Variants in ARHGAP6 observed in about 807,000 individuals in gnomAD.
The protein encoded by ARHGAP6 is Rho GTPase activating protein 6, also known as rho GTPase-activating protein 6.
In ARHGAP6, 16 loss-of-function variants were observed where a neutral mutation model predicts 55.7. The observed-to-expected ratio is 0.29, with a 90% CI of 0.19 to 0.44. ARHGAP6 has a LOEUF of 0.44. ARHGAP6 is among the 20% of genes least tolerant of loss of function. The pLI is 1.00. For missense variants in ARHGAP6, 698 were observed against 808.9 expected, an observed-to-expected ratio of 0.86 and a Z score of 1.66; for synonymous variants, 382 against 360.9, an observed-to-expected ratio of 1.06 and a Z score of -0.66.
chrX:11,202,609 A>T (rs1307415236), intron 2 of ARHGAP6, among the ~76,000 whole-genome samples: 1 of 109,417 alleles, frequency 9.1e-6, no homozygotes, highest in African/African-American at 3.3e-5. Flanking sequence ...GGAGTTCGAG[A>T]CTAGCCTGGC....
chrX:11,158,195 C>A (rs935366479), intron 9 of ARHGAP6, among the ~76,000 whole-genome samples: 2 of 111,954 alleles, frequency 1.8e-5, no homozygotes, highest in Admixed American at 9.5e-5. Context: ...GTCTATTGAG[C>A]ATTCCATTCC....
intron 1 of ARHGAP6, among the ~76,000 whole-genome samples, chrX:11,525,231 AC>A (rs2050977025): frequency 8.9e-6 from 1 of 111,885 alleles, no homozygotes; most frequent in Admixed American, 9.5e-5. Context: ...GTTGTTGGCA[AC>A]CAAAAATGTC....
chrX:11,156,734 G>T, intron 9 of ARHGAP6, 108 bp from the exon 10 acceptor site: 1 of 581,238 alleles, frequency 1.7e-6, no homozygotes, highest in Non-Finnish European at 2.7e-6. Context: ...AAAGCTGCAA[G>T]ACAGCAGAAT....
Position 11,664,656 on chromosome X carries a change from C to T in ARHGAP6, c.173G>A (p.Arg58Gln), listed in dbSNP as rs1385139293. ...GTAGAGGCGGCCCGCCGTGGCTCCCCGCGCACTGCCCTCCGCGCCCGCCTC... is the reference window on the plus strand; with the variant it reads ...GTAGAGGCGGCCCGCCGTGGCTCCCTGCGCACTGCCCTCCGCGCCCGCCTC... ...SDEAGAEGSARGATAGRLYSP... is the reference protein window; with the variant it reads ...SDEAGAEGSAQGATAGRLYSP... Residue 58 changes from arginine to glutamine, a missense_variant, in exon 1 of 13, where the codon CGG becomes CAG. This residue lies in a region of ARHGAP6 where 164 missense variants were observed against 149.2 expected (regional missense o/e 1.10). Coordinates refer to ENST00000337414, the MANE Select transcript of ARHGAP6 (RefSeq NM_013427.3). The T allele has an allele frequency of 3.4e-6, 4 of 1,161,789 alleles. No homozygotes were observed. Among genetic ancestry groups the T allele is most frequent in the Non-Finnish European group, 1.1e-6 (1 of 870,984 alleles).
intron 1 of ARHGAP6, among the ~76,000 whole-genome samples, chrX:11,478,351 A>C (rs2050423933): frequency 8.9e-6 from 1 of 112,446 alleles, no homozygotes; most frequent in South Asian, 3.6e-4. Flanking sequence ...ATGGAAAACT[A>C]CCTGGCAATA....
At chrX:11,231,743 G>C (rs150115428) in intron 2 of ARHGAP6, among the ~76,000 whole-genome samples, 1 of 112,181 alleles carries the variant, frequency 8.9e-6, no homozygotes, top group African/African-American at 3.2e-5. Context: ...ATGTCAAATT[G>C]AGCCAGGCCG....
Position 11,635,277 on chromosome X carries a change from A to G in ARHGAP6, c.588+28964T>C, listed in dbSNP as rs770138144. ...GGCAAGGATCACTGTATAGTATATA[A>G]ATAACACAAAAGACTACTTCAAGGA... On this transcript the variant is annotated intron_variant, in intron 1 of 12. Transcript: ENST00000337414. Among the ~76,000 whole-genome samples the G allele has an allele frequency of 1.4e-3, 158 of 112,090 alleles. 1 individual carries two copies. The highest frequency in any genetic ancestry group is 4.6e-3 in the Middle Eastern group (1 of 216).
chrX:11,223,753 G>A (rs111695480), intron 2 of ARHGAP6, among the ~76,000 whole-genome samples: 2,386 of 111,792 alleles, frequency 0.021, 25 homozygotes, highest in Middle Eastern at 0.06. Context: ...AATCTTACGG[G>A]ATGAATGGCT....
chrX:11,537,802 A>G (rs963415195), intron 1 of ARHGAP6, among the ~76,000 whole-genome samples: 3 of 112,244 alleles, frequency 2.7e-5, no homozygotes, highest in Non-Finnish European at 5.6e-5. Context: ...AACACATTCT[A>G]TTAGCTATCA....
chrX:11,539,333 T>C (rs1601626591), intron 1 of ARHGAP6, among the ~76,000 whole-genome samples: 2 of 112,432 alleles, frequency 1.8e-5, no homozygotes, highest in Middle Eastern at 9.1e-3. Flanking sequence ...GTCTGAGAAA[T>C]GAGCCATTGA....
intron 1 of ARHGAP6, chrX:11,300,674 C>T (rs1382810640): frequency 1.8e-6 from 2 of 1,089,200 alleles, no homozygotes; most frequent in East Asian, 6.1e-5. Context: ...CACAAGAACA[C>T]AATGATTTTT....
intron 1 of ARHGAP6, among the ~76,000 whole-genome samples, chrX:11,441,511 G>A (rs896609554): frequency 9.0e-6 from 1 of 111,345 alleles, no homozygotes. Context: ...ACAGGAGCCT[G>A]GCAAGGACAC....
At chrX:11,434,901 T>C (rs1382446746) in intron 1 of ARHGAP6, among the ~76,000 whole-genome samples, 4 of 111,955 alleles carry the variant, frequency 3.6e-5, no homozygotes. Context: ...ACCAACAGTT[T>C]AGCAGGGCCT....
chrX:11,472,465 T>C (rs2147828505), intron 1 of ARHGAP6, among the ~76,000 whole-genome samples: 1 of 111,483 alleles, frequency 9.0e-6, no homozygotes, highest in East Asian at 2.8e-4. Context: ...GGCATTGACA[T>C]ATGAGGGCAG....
chrX:11,441,191 G>A lies in ARHGAP6; in HGVS notation c.589-186484C>T, dbSNP rs61382351. Reference sequence around the variant, plus strand: ...TTCAGTATGACCAAGAGGTAAATGCGACTCCCAGAGCAGGGGTGCTTCCCA... The same window carrying A: ...TTCAGTATGACCAAGAGGTAAATGCAACTCCCAGAGCAGGGGTGCTTCCCA... On this transcript the variant is annotated intron_variant, in intron 1 of 12. Transcript: ENST00000337414. Among the ~76,000 whole-genome samples, 698 of 111,466 alleles carry A rather than the reference G, an allele frequency of 6.3e-3. 4 individuals carry two copies. The highest frequency in any genetic ancestry group is 0.022 in the African/African-American group (665 of 30,667).
intron 1 of ARHGAP6, among the ~76,000 whole-genome samples, chrX:11,459,430 A>G (rs1156723607): frequency 9.0e-6 from 1 of 111,692 alleles, no homozygotes; most frequent in East Asian, 2.8e-4. Context: ...ACTGTACCAT[A>G]CTGCCTTTAT....
chrX:11,275,969 C>G (rs2047758327), intron 1 of ARHGAP6, among the ~76,000 whole-genome samples: 1 of 111,619 alleles, frequency 9.0e-6, no homozygotes, highest in South Asian at 3.8e-4. Context: ...AACAAGTTTA[C>G]TATGGACCTA....
chrX:11,417,516 A>C (rs1423471058), intron 1 of ARHGAP6, among the ~76,000 whole-genome samples: 1 of 110,801 alleles, frequency 9.0e-6, no homozygotes, highest in African/African-American at 3.3e-5. Context: ...TAAAATGAGA[A>C]TCTGTAGTCT....
At chrX:11,642,825 T>C (rs1448331025) in intron 1 of ARHGAP6, among the ~76,000 whole-genome samples, 6 of 111,175 alleles carry the variant, frequency 5.4e-5, no homozygotes, top group Admixed American at 2.9e-4. Flanking sequence ...GGCACAAGGT[T>C]TCTTCTTGGG....
Sources: gnomAD v4.1 joint callset for allele counts (sites outside exome capture counted in the v4.1 genomes callset) on GRCh38, gnomAD v4.1.1 for gene constraint, gnomAD v4.1.1 regional missense constraint, MANE v1.5 for transcripts, NCBI Gene and HGNC (gene_info 2026-07-23, HGNC 2026-07-21) for gene names.